Variants in SNX29 observed in about 807,000 individuals in gnomAD.
SNX29 encodes the protein sorting nexin-29.
Under a neutral mutation model 102.1 loss-of-function variants are expected in SNX29, and 78 were observed. The ratio of observed to expected loss-of-function variants is 0.76; its 90% CI spans 0.64 to 0.92. SNX29 has a LOEUF of 0.92. SNX29 is among the 40% of genes least tolerant of loss of function. The pLI, the probability that SNX29 is intolerant of heterozygous loss-of-function variation, is 0.00. For missense variants in SNX29, 1,280 were observed against 1,061.7 expected (o/e 1.21, Z -2.86); for synonymous variants, 580 against 414.5 (o/e 1.40, Z -4.85).
intron 11 of SNX29, among the ~76,000 whole-genome samples, chr16:12,090,608 C>T (rs1409081157): frequency 6.6e-6 from 1 of 152,168 alleles, no homozygotes; most frequent in East Asian, 1.9e-4. Context: ...TGCCTGGTTT[C>T]CCATTTCCAT....
chr16:12,379,033 C>T (rs1049328426), intron 16 of SNX29, among the ~76,000 whole-genome samples: 1 of 152,234 alleles, frequency 6.6e-6, no homozygotes, highest in African/African-American at 2.4e-5. Flanking sequence ...TGGATCACAT[C>T]TCTTGGAAGG....
At chr16:12,083,399 G>A (rs1013675959) in intron 11 of SNX29, among the ~76,000 whole-genome samples, 18 of 152,082 alleles carry the variant, frequency 1.2e-4, no homozygotes, top group African/African-American at 4.1e-4. Context: ...TTTCTGGTAA[G>A]GCCTCTTTCC....
At chr16:12,563,542 C>CA (rs2078850368) in intron 20 of SNX29, among the ~76,000 whole-genome samples, 1 of 152,196 alleles carries the variant, frequency 6.6e-6, no homozygotes. Context: ...TGTCTCCCAC[C>CA]ACTACCTGAG....
chr16:12,448,876 C>T (rs28653346), intron 18 of SNX29, among the ~76,000 whole-genome samples: 64,647 of 151,828 alleles, frequency 0.43, 13,978 homozygotes, highest in African/African-American at 0.49. Context: ...GCCTTTTGGA[C>T]GGTAGTGATT....
At chr16:12,228,532 A>G (rs1257673388) in intron 14 of SNX29, among the ~76,000 whole-genome samples, 2 of 152,288 alleles carry the variant, frequency 1.3e-5, no homozygotes, top group East Asian at 1.9e-4. Flanking sequence ...AACTACAAAT[A>G]TGCTCAAGAT....
At chr16:12,011,561 C>T (rs892507627) in intron 3 of SNX29, among the ~76,000 whole-genome samples, 5 of 152,166 alleles carry the variant, frequency 3.3e-5, no homozygotes, top group Non-Finnish European at 5.9e-5. Context: ...AGGCGTGAGT[C>T]ACTATGCCTG....
At chr16:12,175,692 C>T (rs571088339) in intron 13 of SNX29, among the ~76,000 whole-genome samples, 19 of 151,404 alleles carry the variant, frequency 1.3e-4, no homozygotes, top group African/African-American at 3.4e-4. Context: ...ACGATAGGAC[C>T]GATACCCTTA....
chr16:12,543,810 C>T (rs1306346502), intron 20 of SNX29, among the ~76,000 whole-genome samples: 11 of 152,234 alleles, frequency 7.2e-5, no homozygotes, highest in Admixed American at 6.5e-5. Flanking sequence ...TCTCCCAGCC[C>T]ATGAGACAGG....
At chr16:12,037,993 CA>C (rs376931149) in intron 4 of SNX29, among the ~76,000 whole-genome samples, 3 of 134,966 alleles carry the variant, frequency 2.2e-5, no homozygotes, top group South Asian at 2.3e-4. Flanking sequence ...CAAAACAAAA[CA>C]AAAAAAACCC....
At chr16:12,401,090 C>T (rs2083922495) in intron 17 of SNX29, among the ~76,000 whole-genome samples, 2 of 152,158 alleles carry the variant, frequency 1.3e-5, no homozygotes. Context: ...CTCGGCCTCC[C>T]AAAGTGTTGA....
At chr16:12,030,206 G>A (rs937063517) in intron 4 of SNX29, among the ~76,000 whole-genome samples, 1 of 152,042 alleles carries the variant, frequency 6.6e-6, no homozygotes, top group African/African-American at 2.4e-5. Flanking sequence ...TTCATTGTTG[G>A]CTCTTGTTTC....
intron 18 of SNX29, among the ~76,000 whole-genome samples, chr16:12,422,152 A>G (rs1343138866): frequency 6.6e-6 from 1 of 152,192 alleles, no homozygotes; most frequent in African/African-American, 2.4e-5. Context: ...TCTCCTTAAA[A>G]ACATACAGCT....
intron 13 of SNX29, among the ~76,000 whole-genome samples, chr16:12,139,471 AC>A (rs1445766644): frequency 6.6e-6 from 1 of 152,128 alleles, no homozygotes; most frequent in Non-Finnish European, 1.5e-5. Context: ...GATTGAAGGG[AC>A]CGTGGGGCCA....
chr16:12,378,452 C>G (rs1193397199), intron 16 of SNX29, among the ~76,000 whole-genome samples: 1 of 152,174 alleles, frequency 6.6e-6, no homozygotes, highest in African/African-American at 2.4e-5. Context: ...GAGTTCAAGA[C>G]CAGCCTAGCC....
chr16:12,532,033 C>A (rs1054821185), intron 20 of SNX29, among the ~76,000 whole-genome samples: 7 of 152,136 alleles, frequency 4.6e-5, no homozygotes, highest in Non-Finnish European at 7.4e-5. Flanking sequence ...GGAGGTGTCA[C>A]CACATGGAGC....
At chr16:12,419,307 C>T (rs547691444) in intron 18 of SNX29, among the ~76,000 whole-genome samples, 7 of 152,254 alleles carry the variant, frequency 4.6e-5, no homozygotes, top group African/African-American at 1.7e-4. Context: ...CAGCAGGACC[C>T]GGCCTGCCCC....
chr16:12,259,963 C>T (rs374481270), intron 14 of SNX29, among the ~76,000 whole-genome samples: 29 of 152,276 alleles, frequency 1.9e-4, no homozygotes, highest in African/African-American at 5.5e-4. Flanking sequence ...TGAATGCAGC[C>T]GCTCAGGTCT....
In SNX29 at chr16:12,476,573, C is replaced by T. The variant is rs964088232; in HGVS notation, c.2038-1146C>T. ...TCTGATTATAGGTTTGGTGATGTGA[C>T]GTCAGCAATAATGGAATGACATTAT... On this transcript the variant is annotated intron_variant, in intron 18 of 20. Coordinates refer to ENST00000566228, the MANE Select transcript of SNX29 (RefSeq NM_032167.5). Among the ~76,000 whole-genome samples, 6 of 150,142 alleles carry T rather than the reference C, an allele frequency of 4.0e-5. No individual in the cohort carries two copies. The East Asian group carries it at 7.8e-4, about 20-fold the overall frequency.
chr16:12,311,764 A>T (rs1292695385), intron 15 of SNX29, among the ~76,000 whole-genome samples: 1 of 152,222 alleles, frequency 6.6e-6, no homozygotes, highest in Admixed American at 6.5e-5. Flanking sequence ...CCATCTCTGT[A>T]CATCTCTGCT....
Sources: allele counts gnomAD v4.1 joint callset (sites outside exome capture counted in the v4.1 genomes callset), GRCh38; gene constraint gnomAD v4.1.1; transcripts MANE v1.5; gene names NCBI Gene and HGNC (gene_info 2026-07-23, HGNC 2026-07-21).